The following GALNT13 variants were observed in gnomAD, a reference collection of about 807,000 sequenced individuals.
GALNT13 encodes the protein UDP-GalNAc:polypeptide N-acetylgalactosaminyltransferase 13.
Under a neutral mutation model 64.2 loss-of-function variants are expected in GALNT13, and 28 were observed. The ratio of observed to expected loss-of-function variants is 0.44; its 90% CI spans 0.32 to 0.60. The LOEUF (loss-of-function observed/expected upper bound fraction) is 0.60. Among genes scored for constraint, GALNT13 ranks in the 20% least tolerant of loss-of-function variants. The pLI, the probability that GALNT13 is intolerant of heterozygous loss-of-function variation, is 0.05. For missense variants in GALNT13, 577 were observed against 669.8 expected, an observed-to-expected ratio of 0.86 and a Z score of 1.53; for synonymous variants, 214 against 224.6, an observed-to-expected ratio of 0.95 and a Z score of 0.42.
intron 11 of GALNT13, among the ~76,000 whole-genome samples, chr2:154,414,318 A>G (rs1018291400): frequency 6.6e-6 from 1 of 152,032 alleles, no homozygotes; most frequent in African/African-American, 2.4e-5. Flanking sequence ...TTTGAAGTAG[A>G]TAGTGTTATT....
chr2:153,205,745 T>A, the GALNT13 span, among the ~76,000 whole-genome samples: 42 of 152,216 alleles, frequency 2.8e-4, no homozygotes, highest in South Asian at 8.5e-3. Context: ...TAGTACTCTT[T>A]CAATTTGCCC....
At chr2:153,812,362 T>C in the GALNT13 span, among the ~76,000 whole-genome samples, 1 of 152,216 alleles carries the variant, frequency 6.6e-6, no homozygotes, top group Non-Finnish European at 1.5e-5. Flanking sequence ...GTTTCCTTTA[T>C]TCTTAGGTTT....
intron 3 of GALNT13, among the ~76,000 whole-genome samples, chr2:154,107,330 C>T (rs1360956003): frequency 1.3e-5 from 2 of 152,126 alleles, no homozygotes; most frequent in African/African-American, 4.8e-5. Flanking sequence ...CACAGTGGCT[C>T]ATGCCTGTGA....
the GALNT13 span, among the ~76,000 whole-genome samples, chr2:153,297,806 T>C: frequency 2.0e-5 from 3 of 152,210 alleles, no homozygotes; most frequent in Non-Finnish European, 4.4e-5. Context: ...GAGTTAAATA[T>C]TCCTTTTGTA....
the GALNT13 span, among the ~76,000 whole-genome samples, chr2:153,435,827 C>G: frequency 0.047 from 7,121 of 151,978 alleles, 271 homozygotes; most frequent in Non-Finnish European, 0.068. Flanking sequence ...ATTTCCTTCT[C>G]CTGCCTGATT....
At chr2:154,078,345 A>T (rs1230377163) in intron 3 of GALNT13, among the ~76,000 whole-genome samples, 1 of 151,570 alleles carries the variant, frequency 6.6e-6, no homozygotes, top group Non-Finnish European at 1.5e-5. Flanking sequence ...GAAAAAGAAA[A>T]TTAAAATTAT....
upstream of GALNT13, among the ~76,000 whole-genome samples, chr2:153,868,210 A>G (rs1685797389): frequency 6.6e-6 from 1 of 152,088 alleles, no homozygotes; most frequent in Non-Finnish European, 1.5e-5. Flanking sequence ...TGCTCAATGT[A>G]TATTCATGGG....
At chr2:153,731,923 T>G in the GALNT13 span, among the ~76,000 whole-genome samples, 1 of 151,990 alleles carries the variant, frequency 6.6e-6, no homozygotes, top group Admixed American at 6.6e-5. Context: ...TCTACTGTGG[T>G]ATGTAGCACA....
the GALNT13 span, among the ~76,000 whole-genome samples, chr2:153,097,705 C>T: frequency 6.6e-6 from 1 of 152,036 alleles, no homozygotes. Context: ...TATGTTTCAC[C>T]TAATCTCACC....
intron 4 of GALNT13, among the ~76,000 whole-genome samples, chr2:154,221,108 C>A (rs1355610000): frequency 6.6e-6 from 1 of 151,974 alleles, no homozygotes; most frequent in African/African-American, 2.4e-5. Context: ...TTCTTTCCAC[C>A]TGCCAGAATA....
the GALNT13 span, among the ~76,000 whole-genome samples, chr2:153,636,349 G>T: frequency 1.3e-5 from 2 of 152,048 alleles, no homozygotes; most frequent in Non-Finnish European, 2.9e-5. Flanking sequence ...CAGTGAATAG[G>T]TGCAGAATCA....
At chr2:153,409,052 C>G in the GALNT13 span, among the ~76,000 whole-genome samples, 1 of 152,108 alleles carries the variant, frequency 6.6e-6, no homozygotes, top group Non-Finnish European at 1.5e-5. Flanking sequence ...AGTTCTTCGG[C>G]TTTTAGGCTC....
At chr2:154,073,029 A>T (rs10205080) in intron 3 of GALNT13, among the ~76,000 whole-genome samples, 1 of 151,844 alleles carries the variant, frequency 6.6e-6, no homozygotes. Context: ...AAATAATAAT[A>T]GTATGATGGT....
At chr2:153,499,019 T>C in the GALNT13 span, among the ~76,000 whole-genome samples, 1 of 152,084 alleles carries the variant, frequency 6.6e-6, no homozygotes, top group Admixed American at 6.5e-5. Flanking sequence ...GGCAAATCTT[T>C]GGTATTTTTA....
the GALNT13 span, among the ~76,000 whole-genome samples, chr2:153,507,344 T>A: frequency 2.0e-5 from 3 of 152,182 alleles, no homozygotes; most frequent in East Asian, 5.8e-4. Context: ...TGCAGTGTGC[T>A]ATCTCAGTTC....
chr2:153,120,881 T>G, the GALNT13 span, among the ~76,000 whole-genome samples: 3 of 152,256 alleles, frequency 2.0e-5, no homozygotes, highest in East Asian at 5.8e-4. Context: ...CCAAACGTGA[T>G]GTATCTAGGA....
chr2:153,827,467 C>CA, the GALNT13 span, among the ~76,000 whole-genome samples: 4 of 151,716 alleles, frequency 2.6e-5, no homozygotes, highest in South Asian at 8.3e-4. Context: ...ACTACAAATA[C>CA]AAAAAAAATT....
chr2:153,121,126 A>G, the GALNT13 span, among the ~76,000 whole-genome samples: 1 of 152,210 alleles, frequency 6.6e-6, no homozygotes, highest in Non-Finnish European at 1.5e-5. Context: ...AGCCCAGTGC[A>G]TCTAGCATTA....
At chr2:153,670,546 C>G in the GALNT13 span, among the ~76,000 whole-genome samples, 1 of 152,278 alleles carries the variant, frequency 6.6e-6, no homozygotes, top group Admixed American at 6.5e-5. Context: ...CTATCCATAC[C>G]TCACCAACAT....
Sources: allele counts gnomAD v4.1 joint callset (sites outside exome capture counted in the v4.1 genomes callset), GRCh38; gene constraint gnomAD v4.1.1; transcripts MANE v1.5; gene names NCBI Gene and HGNC (gene_info 2026-07-23, HGNC 2026-07-21).